The following COBL variants were observed in gnomAD, a reference collection of about 807,000 sequenced individuals.
COBL encodes protein cordon-bleu.
COBL carries 51 observed loss-of-function variants against 98.8 expected under a neutral mutation model. The ratio of observed to expected loss-of-function variants is 0.52; its 90% confidence interval spans 0.41 to 0.65. The LOEUF is 0.65. Among genes scored for constraint, COBL ranks in the 30% least tolerant of loss-of-function variants. The probability of loss-of-function intolerance (pLI) is 0.00; values close to 1 mark genes in which losing one functional copy is unlikely to be tolerated. For synonymous variants in COBL, 634 were observed against 651.7 expected, an observed-to-expected ratio of 0.97 and a Z score of 0.41; for missense variants, 1,617 against 1,617.5, an observed-to-expected ratio of 1.00 and a Z score of 0.01.
chr7:51,127,296 G>A (rs957547537), intron 6 of COBL, among the ~76,000 whole-genome samples: 7 of 152,210 alleles, frequency 4.6e-5, no homozygotes, highest in African/African-American at 1.4e-4. Context: ...ATGCCAGCAG[G>A]GGGGACGGGG....
At chr7:51,214,796 G>A (rs1792867509) in intron 2 of COBL, among the ~76,000 whole-genome samples, 1 of 152,158 alleles carries the variant, frequency 6.6e-6, no homozygotes, top group African/African-American at 2.4e-5. Flanking sequence ...ATACTGCGAT[G>A]CAACAGCTTC....
chr7:51,127,123 C>G (rs1314579289), intron 6 of COBL, among the ~76,000 whole-genome samples: 2 of 152,202 alleles, frequency 1.3e-5, no homozygotes, highest in African/African-American at 4.8e-5. Flanking sequence ...GGATCTGTCT[C>G]AACCTCGTCG....
chr7:51,064,992 T>A (rs184547932), intron 7 of COBL: 1 of 601,728 alleles, frequency 1.7e-6, no homozygotes, highest in African/African-American at 1.9e-5. Flanking sequence ...AGGGACAATA[T>A]GGCAAGCTTT....
chr7:51,314,941 G>GTA (rs1563158975), intron 1 of COBL, among the ~76,000 whole-genome samples: 1 of 152,186 alleles, frequency 6.6e-6, no homozygotes, highest in Non-Finnish European at 1.5e-5. Context: ...CGCTCTTAGG[G>GTA]TAAGTCCTTT....
At chr7:51,157,272 C>A (rs550399191) in intron 5 of COBL, among the ~76,000 whole-genome samples, 45 of 152,196 alleles carry the variant, frequency 3.0e-4, no homozygotes, top group Admixed American at 5.2e-4. Flanking sequence ...ACCTGGGAGG[C>A]TGAGGCAGGA....
At chr7:51,301,327 G>A (rs1370981386) in intron 1 of COBL, among the ~76,000 whole-genome samples, 1 of 152,188 alleles carries the variant, frequency 6.6e-6, no homozygotes, top group Non-Finnish European at 1.5e-5. Flanking sequence ...TACCGCGCCT[G>A]GCATCTCCTT....
chr7:51,065,389 G>C (rs551172936), intron 7 of COBL: 3 of 703,474 alleles, frequency 4.3e-6, no homozygotes, highest in Non-Finnish European at 7.8e-6. Context: ...TGCTGTGCCC[G>C]GGGCTGTGGT....
At chr7:51,135,317 C>T (rs1472258257) in intron 6 of COBL, among the ~76,000 whole-genome samples, 3 of 152,102 alleles carry the variant, frequency 2.0e-5, no homozygotes, top group Non-Finnish European at 4.4e-5. Flanking sequence ...AAATGTGTTC[C>T]ACTACAGGCT....
intron 8 of COBL, chr7:51,033,748 A>G (rs1788368508): frequency 6.6e-6 from 1 of 152,280 alleles, no homozygotes; most frequent in South Asian, 2.1e-4. Flanking sequence ...CCTTTAGTGA[A>G]CAAGAATTCT....
chr7:51,136,065 C>T (rs1410264976), intron 6 of COBL, 93 bp downstream of exon 6: 9 of 1,468,080 alleles, frequency 6.1e-6, no homozygotes, highest in East Asian at 2.3e-5. Context: ...CAGCCACAAA[C>T]ATGAAGGATT....
At position 51,029,133 on chromosome 7, in the gene COBL, C is replaced by G. The variant is rs112568753; in HGVS notation, c.1963G>C (p.Ala655Pro). Residue 655 changes from alanine to proline, a missense_variant, in exon 10 of 13, where the codon GCT (alanine) becomes CCT (proline). Physicochemically the swap from Ala to Pro is conservative, Grantham distance 27. Coordinates refer to ENST00000265136, the MANE Select transcript of COBL (RefSeq NM_015198.5). ...AKVKDKVYGC[A>P]DGERTQATER... ...GTGGCTTGAGTCCTCTCCCCGTCAG[C>G]ACAGCCATACACTTTGTCTTTCACT... 5.3e-3 allele frequency: 8,565 copies of G among 1,614,198 alleles called. 248 individuals carry two copies. In the Admixed American group the frequency reaches 0.067, roughly 13 times the overall value.
At chr7:51,206,500 A>AAAAAAAAG (rs1791729120) in intron 2 of COBL, among the ~76,000 whole-genome samples, 2 of 152,164 alleles carry the variant, frequency 1.3e-5, no homozygotes, top group African/African-American at 4.8e-5. Context: ...TCAAAAAAAA[A>AAAAAAAAG]AAAAAAGAAA....
chr7:51,147,233 A>G, intron 5 of COBL, among the ~76,000 whole-genome samples: 1 of 152,238 alleles, frequency 6.6e-6, no homozygotes, highest in Admixed American at 6.5e-5. Context: ...GCCCATGGCC[A>G]TCCACTAAGC....
chr7:51,113,071 C>T (rs2128979909), intron 6 of COBL, among the ~76,000 whole-genome samples: 1 of 152,304 alleles, frequency 6.6e-6, no homozygotes, highest in African/African-American at 2.4e-5. Flanking sequence ...AATGCACTCC[C>T]TCTGCACAGT....
intron 1 of COBL, among the ~76,000 whole-genome samples, chr7:51,246,927 G>C (rs1482467765): frequency 6.6e-6 from 1 of 152,148 alleles, no homozygotes; most frequent in African/African-American, 2.4e-5. Flanking sequence ...GTGGACCCCT[G>C]TCCCCACCAA....
intron 8 of COBL, among the ~76,000 whole-genome samples, chr7:51,043,043 C>T (rs977186169): frequency 6.6e-6 from 1 of 152,154 alleles, no homozygotes; most frequent in Non-Finnish European, 1.5e-5. Context: ...AAAACTAGAA[C>T]AATCTAAGTG....
intron 7 of COBL, among the ~76,000 whole-genome samples, chr7:51,061,950 TACACAC>T (rs3047134): frequency 2.1e-4 from 31 of 145,448 alleles, no homozygotes; most frequent in Admixed American, 4.7e-4. Flanking sequence ...CCACCATAGA[TACACAC>T]ACACACACAC....
chr7:51,058,344 G>A lies in COBL; in HGVS notation c.1097-14652C>T, dbSNP rs541648662. Among the ~76,000 whole-genome samples the A allele has an allele frequency of 1.1e-4, 17 of 152,206 alleles. 1 individual carries two copies. The highest frequency in any genetic ancestry group is 2.9e-4 in the African/African-American group (12 of 41,534). ...GGGAGGATCACTTGAGCCCAGGAAT[G>A]TGAGACCAGCCTCAGCAACAAAGCG... On this transcript the variant is annotated intron_variant, in intron 7 of 12. Coordinates refer to ENST00000265136, the MANE Select transcript of COBL (RefSeq NM_015198.5).
At chr7:51,164,062 T>C (rs904934331) in intron 5 of COBL, among the ~76,000 whole-genome samples, 1 of 152,238 alleles carries the variant, frequency 6.6e-6, no homozygotes, top group Non-Finnish European at 1.5e-5. Flanking sequence ...CTGTAGTTCA[T>C]TTACATTTCT....
Sources: allele counts gnomAD v4.1 joint callset (sites outside exome capture counted in the v4.1 genomes callset), GRCh38; gene constraint gnomAD v4.1.1; transcripts MANE v1.5; gene names NCBI Gene and HGNC (gene_info 2026-07-23, HGNC 2026-07-21).